The following ADGRB3 variants were observed in gnomAD, a reference collection of about 807,000 sequenced individuals.
ADGRB3 encodes the protein adhesion G protein-coupled receptor B3.
Under a neutral mutation model 193.4 loss-of-function variants are expected in ADGRB3, and 37 were observed. The observed-to-expected ratio is 0.19, with a 90% confidence interval of 0.15 to 0.25. The LOEUF (loss-of-function observed/expected upper bound fraction) is 0.25. ADGRB3 is among the 10% of genes least tolerant of loss of function. The pLI is 1.00. For synonymous variants in ADGRB3, 690 were observed against 644.2 expected (o/e 1.07, Z -1.08); for missense variants, 1,637 against 1,852.9 (o/e 0.88, Z 2.14).
At chr6:68,956,295 A>G in intron 7 of ADGRB3, 107 bp downstream of exon 7, 1 of 895,854 alleles carries the variant, frequency 1.1e-6, no homozygotes, top group Non-Finnish European at 1.6e-6. Context: ...TAATCATTAT[A>G]TATATATGTG....
intron 3 of ADGRB3, among the ~76,000 whole-genome samples, chr6:68,829,407 TAACTAAATAACTTATAAATA>T (rs1468732916): frequency 1.3e-5 from 2 of 152,088 alleles, no homozygotes; most frequent in Non-Finnish European, 2.9e-5. Context: ...CAGGCATGTT[TAACTAAATAACTTATAAATA>T]ACTGTTGTGT....
intron 3 of ADGRB3, among the ~76,000 whole-genome samples, chr6:68,680,464 C>T (rs1764875086): frequency 6.6e-6 from 1 of 152,108 alleles, no homozygotes; most frequent in South Asian, 2.1e-4. Flanking sequence ...CCCAGCTATG[C>T]ACTTTGGTAA....
At chr6:69,186,529 C>G (rs928598227) in intron 17 of ADGRB3, among the ~76,000 whole-genome samples, 1 of 151,468 alleles carries the variant, frequency 6.6e-6, no homozygotes, top group Non-Finnish European at 1.5e-5. Flanking sequence ...GATTATTAAC[C>G]CCCCAAGTAC....
intron 3 of ADGRB3, among the ~76,000 whole-genome samples, chr6:68,921,444 G>C (rs1365623507): frequency 6.6e-6 from 1 of 152,320 alleles, no homozygotes; most frequent in South Asian, 2.1e-4. Flanking sequence ...AATAGATTCA[G>C]ATGAAGAAGA....
At chr6:68,865,418 G>C (rs2150216731) in intron 3 of ADGRB3, among the ~76,000 whole-genome samples, 1 of 152,246 alleles carries the variant, frequency 6.6e-6, no homozygotes, top group African/African-American at 2.4e-5. Flanking sequence ...TCTCTCTTCA[G>C]GGTTACCTTC....
chr6:68,769,341 A>G (rs1190436327), intron 3 of ADGRB3, among the ~76,000 whole-genome samples: 1 of 152,354 alleles, frequency 6.6e-6, no homozygotes, highest in South Asian at 2.1e-4. Context: ...CATATACACC[A>G]TAGAATACTA....
chr6:69,330,848 C>A (rs916448183), intron 23 of ADGRB3, among the ~76,000 whole-genome samples: 1 of 152,056 alleles, frequency 6.6e-6, no homozygotes, highest in Non-Finnish European at 1.5e-5. Flanking sequence ...TTAATGAATT[C>A]TTCCTCTTTA....
intron 3 of ADGRB3, among the ~76,000 whole-genome samples, chr6:68,907,460 T>A (rs1427334303): frequency 6.6e-6 from 1 of 151,974 alleles, no homozygotes; most frequent in Admixed American, 6.6e-5. Flanking sequence ...TGATTTGTAC[T>A]TTTTACTTCT....
At chr6:69,300,612 A>G (rs1767930052) in intron 20 of ADGRB3, among the ~76,000 whole-genome samples, 1 of 151,884 alleles carries the variant, frequency 6.6e-6, no homozygotes, top group African/African-American at 2.4e-5. Flanking sequence ...AAACAAATTT[A>G]GTACAGTTGC....
chr6:69,152,749 A>G (rs1774716564), intron 17 of ADGRB3, among the ~76,000 whole-genome samples: 1 of 152,222 alleles, frequency 6.6e-6, no homozygotes, highest in African/African-American at 2.4e-5. Flanking sequence ...GGCATTTTTC[A>G]TTAATTTTAT....
chr6:68,819,867 T>C (rs960850605), intron 3 of ADGRB3, among the ~76,000 whole-genome samples: 12 of 152,108 alleles, frequency 7.9e-5, no homozygotes, highest in African/African-American at 2.9e-4. Flanking sequence ...CATCCATGAT[T>C]TTTTTAAAAG....
chr6:69,116,118 G>A (rs1312609019), intron 17 of ADGRB3, among the ~76,000 whole-genome samples: 1 of 152,272 alleles, frequency 6.6e-6, no homozygotes, highest in South Asian at 2.1e-4. Flanking sequence ...CAGTTGTCAG[G>A]CAGAATTCCT....
chr6:68,770,197 A>C (rs1382036019), intron 3 of ADGRB3, among the ~76,000 whole-genome samples: 1 of 152,058 alleles, frequency 6.6e-6, no homozygotes, highest in Non-Finnish European at 1.5e-5. Context: ...TGAGATAGGC[A>C]CTCTGGAAGG....
chr6:69,190,895 A>G (rs941708725), intron 17 of ADGRB3, among the ~76,000 whole-genome samples: 6 of 152,190 alleles, frequency 3.9e-5, no homozygotes, highest in Non-Finnish European at 7.3e-5. Flanking sequence ...GCACAAGTCT[A>G]TAGCCTGAGG....
At chr6:69,053,546 G>T (rs547417594) in intron 15 of ADGRB3, among the ~76,000 whole-genome samples, 10 of 152,314 alleles carry the variant, frequency 6.6e-5, no homozygotes, top group African/African-American at 2.4e-4. Context: ...GGGCTGGCCT[G>T]GTGGCCCCAG....
In ADGRB3 at chr6:68,992,595, T is replaced by C. The variant is rs530417967; in HGVS notation, c.1735-1173T>C. On this transcript the variant is annotated intron_variant, in intron 10 of 31. Transcript: ENST00000370598. ...AGAGAGATGAAAAGGAATGAAAGAATAGGGAGAAGTACCTAAATATGTTAT... is the reference window on the plus strand; with the variant it reads ...AGAGAGATGAAAAGGAATGAAAGAACAGGGAGAAGTACCTAAATATGTTAT... 2.1e-3 allele frequency among the ~76,000 whole-genome samples: 324 copies of C among 152,274 alleles called. 1 individual carries two copies. The highest frequency in any genetic ancestry group is 7.5e-3 in the African/African-American group (312 of 41,570).
chr6:69,110,041 G>A (rs899202324), intron 17 of ADGRB3, among the ~76,000 whole-genome samples: 2 of 149,916 alleles, frequency 1.3e-5, no homozygotes, highest in South Asian at 2.1e-4. Flanking sequence ...TCCACCTCCC[G>A]GGTTCAAGCG....
intron 20 of ADGRB3, among the ~76,000 whole-genome samples, chr6:69,292,278 C>T (rs1180838544): frequency 6.6e-6 from 1 of 152,000 alleles, no homozygotes; most frequent in Non-Finnish European, 1.5e-5. Context: ...TCTGCACAAA[C>T]ATTTCCTAGA....
At chr6:68,900,161 G>A (rs913927701) in intron 3 of ADGRB3, among the ~76,000 whole-genome samples, 4 of 152,036 alleles carry the variant, frequency 2.6e-5, no homozygotes, top group African/African-American at 7.2e-5. Context: ...TGTAATAATA[G>A]GATGACAGTC....
Sources: allele counts gnomAD v4.1 joint callset (sites outside exome capture counted in the v4.1 genomes callset), GRCh38; gene constraint gnomAD v4.1.1; transcripts MANE v1.5; gene names NCBI Gene and HGNC (gene_info 2026-07-23, HGNC 2026-07-21).